PLCXD1: variants seen among roughly 807,000 people sequenced by gnomAD.
PLCXD1 encodes the protein phosphatidylinositol specific phospholipase C X domain containing 1, also known as PI-PLC X domain-containing protein 1.
Under a neutral mutation model 37.8 loss-of-function variants are expected in PLCXD1, and 45 were observed. That is an observed-to-expected ratio of 1.19 (90% CI 0.94 to 1.53). The LOEUF is 1.53. PLCXD1 is among the 40% of genes most tolerant of loss of function. The pLI is 0.00. For synonymous variants in PLCXD1, 246 were observed against 206.9 expected (o/e 1.19, Z -1.62); for missense variants, 539 against 454.7 (o/e 1.19, Z -1.69).
upstream of PLCXD1, among the ~76,000 whole-genome samples, chrX:279,454 T>C (rs1267773310): frequency 6.6e-6 from 1 of 152,144 alleles, no homozygotes; most frequent in Non-Finnish European, 1.5e-5. Flanking sequence ...ATTTTAAAAT[T>C]TTCTGACTGG....
chrX:297,188 T>C (rs1356791699), intron 6 of PLCXD1, among the ~76,000 whole-genome samples: 3 of 36,546 alleles, frequency 8.2e-5, no homozygotes, highest in Admixed American at 2.1e-4. Context: ...ACATGGGGAT[T>C]AGGACGTGGA....
At position 284,329 on chromosome X, in the gene PLCXD1, G is replaced by A. The variant is rs1330532469; in HGVS notation, c.127+15G>A. 18 of 1,612,332 alleles carry A rather than the reference G, an allele frequency of 1.1e-5. No homozygotes were observed. In the African/African-American group the frequency reaches 2.0e-4, roughly 18 times the overall value. The stretch of plus-strand genomic sequence containing the variant: ...CTCCATCCCAGGTGAGGTTGGGGTG[G>A]GGCAGGGGCCGTTGCCTCTATCCCA... On this transcript the variant is annotated intron_variant, in intron 2 of 6. Transcript: ENST00000381657.
rs1281823641 is a variant in PLCXD1 at position 289,510 on chromosome X, C to CTTTTTTT, written c.264+646_264+647insTTTTTTT. On this transcript the variant is annotated intron_variant, in intron 3 of 6. Transcript: ENST00000381657. ...AGAGACAACACCTTTCTTTTTCTTT[C>CTTTTTTT]TTTTTCTTTTTTTTTTTTTTGAGAC... is the stretch of plus-strand genomic sequence containing the variant. Among the ~76,000 whole-genome samples, 100 of 97,808 alleles carry CTTTTTTT rather than the reference C, an allele frequency of 1.0e-3. 5 individuals are homozygous for CTTTTTTT. Among genetic ancestry groups the CTTTTTTT allele is most frequent in the South Asian group, 1.3e-3 (5 of 3,824 alleles). The allele number at this position is 97,808 out of a possible 152,430, so 64.2% of individuals were successfully genotyped here. A position where few individuals can be genotyped will look rare whatever the true frequency, so the allele number is the denominator to read the frequency against.
chrX:282,200 G>C (rs1418171524), intron 1 of PLCXD1, among the ~76,000 whole-genome samples: 3 of 151,728 alleles, frequency 2.0e-5, no homozygotes, highest in Non-Finnish European at 4.4e-5. Context: ...AATCTAATCA[G>C]TTTTAATCTA....
chrX:287,454 T>A (rs1205923965), intron 2 of PLCXD1, among the ~76,000 whole-genome samples: 2 of 129,766 alleles, frequency 1.5e-5, no homozygotes, highest in African/African-American at 3.2e-5. Flanking sequence ...CTATATATGT[T>A]TATATATAGA....
At chrX:291,432 C>T (rs1423996137) in intron 4 of PLCXD1, 67 bp from the exon 5 acceptor site, 33 of 1,566,602 alleles carry the variant, frequency 2.1e-5, no homozygotes, top group Non-Finnish European at 2.5e-5. Flanking sequence ...AGGCGTGAGC[C>T]GCCACACCCC....
rs759275854 is a variant in PLCXD1 at position 281,668 on chromosome X, T to A, written c.-38T>A. The stretch of plus-strand genomic sequence containing the variant: ...AACAATTCGAATTCCGAACTCCCCC[T>A]GCGTGTGGGACTCAAGGTGGGTTTG... On this transcript the variant is annotated 5_prime_UTR_variant, in exon 1 of 7. Transcript: ENST00000381657. 1 of 152,270 alleles carries A rather than the reference T, an allele frequency of 6.6e-6. No individual in the cohort carries two copies. The highest frequency in any genetic ancestry group is 2.1e-4 in the South Asian group (1 of 4,828). The allele number at this position is 152,270 out of a possible 1,614,324, so 9.4% of individuals were successfully genotyped here.
intron 1 of PLCXD1, chrX:283,876 CTCTT>C (rs1569564392): frequency 1.3e-4 from 25 of 192,608 alleles, no homozygotes; most frequent in East Asian, 7.0e-4. Context: ...CTCTCTCTCT[CTCTT>C]TTTTTTTTTT....
rs1295467027 is a variant in PLCXD1, at chrX:300,424, C to G, written c.*1089C>G. 7.6e-6 allele frequency: 1 copy of G among 131,532 alleles called. No individual in the cohort carries two copies. The highest frequency in any genetic ancestry group is 1.7e-5 in the Non-Finnish European group (1 of 60,100). 8.1% of individuals were successfully genotyped at this position (131,532 alleles called of 1,614,324 possible). On this transcript the variant is annotated 3_prime_UTR_variant, in exon 7 of 7. Transcript: ENST00000381657. ...TCTGTGTGTATATATGTGTATATAT[C>G]GGTGTGTATATATGTATGTATGTTT...
At position 293,188 on chromosome X, in the gene PLCXD1, C is replaced by T. The variant is rs1377378540; in HGVS notation, c.703C>T (p.Leu235=). 1.2e-6 allele frequency: 2 copies of T among 1,612,124 alleles called. No individual in the cohort carries two copies. The highest frequency in any genetic ancestry group is 1.7e-6 in the Non-Finnish European group (2 of 1,179,492). Residue 235 remains leucine, a synonymous_variant, in exon 6 of 7, where the codon CTG becomes TTG. Transcript: ENST00000381657. The part of the protein sequence containing the change: ...RVKTEALIRY[L]ETMKSCGRPG... ...GAAGACCGAGGCCCTCATCCGATACCTGGAGACCATGAAGAGCTGCGGCCG... is the reference window on the plus strand; with the variant it reads ...GAAGACCGAGGCCCTCATCCGATACTTGGAGACCATGAAGAGCTGCGGCCG...
chrX:283,260 C>CAAA lies in PLCXD1; in HGVS notation c.-21-896_-21-894dup, dbSNP rs111674330. On this transcript the variant is annotated intron_variant, in intron 1 of 6. Transcript: ENST00000381657. Reference sequence around the variant, plus strand: ...GGGCAACAAGAGCGAAACTGCGTCTCAAAAAAAAAAAAACCAAGGCGAGAA... The same window carrying CAAA: ...GGGCAACAAGAGCGAAACTGCGTCTCAAAAAAAAAAAAAAAACCAAGGCGAGAA... The CAAA allele has an allele frequency of 3.1e-3, 420 of 137,204 alleles. 3 individuals carry two copies. Among genetic ancestry groups the CAAA allele is most frequent in the South Asian group, 0.018 (80 of 4,340 alleles). The allele number at this position is 137,204 out of a possible 1,614,324, so 8.5% of individuals were successfully genotyped here.
chrX:288,838 G>A lies in PLCXD1; in HGVS notation c.233G>A (p.Arg78His), dbSNP rs753346363. The change falls in exon 3 of 7, where the codon CGC becomes CAC. Residue 78 changes from arginine to histidine, a missense_variant. Coordinates refer to ENST00000381657, the MANE Select transcript of PLCXD1 (RefSeq NM_018390.4). ...AACAAGGCCTTGCCCTGCATCACGC[G>A]CCCTGTCGTGCTGAAATGGTCCGTC... is the stretch of plus-strand genomic sequence containing the variant. ...LLNKALPCIT[R>H]PVVLKWSVTQ... 2.0e-5 allele frequency: 33 copies of A among 1,613,306 alleles called. 1 individual carries two copies. The highest frequency in any genetic ancestry group is 9.9e-5 in the South Asian group (9 of 91,038).
intron 2 of PLCXD1, among the ~76,000 whole-genome samples, chrX:285,183 T>C (rs774476968): frequency 6.6e-6 from 1 of 151,904 alleles, no homozygotes; most frequent in East Asian, 1.9e-4. Context: ...CATGGATGCA[T>C]ATACATGCAC....
Position 299,104 on chromosome X carries a change from G to T in PLCXD1, c.741G>T (p.Leu247Phe). 6.2e-7 allele frequency: 1 copy of T among 1,613,596 alleles called. No individual in the cohort carries two copies. Among genetic ancestry groups the T allele is most frequent in the Non-Finnish European group, 8.5e-7 (1 of 1,179,526 alleles). The change falls in exon 7 of 7, where the codon TTG becomes TTT. Residue 247 changes from leucine to phenylalanine, a missense_variant. By Grantham distance (22) the Leu-to-Phe change is conservative. Coordinates refer to ENST00000381657, the MANE Select transcript of PLCXD1 (RefSeq NM_018390.4). ...TMKSCGRPGGLFVAGINLTEN... is the reference protein window; with the variant it reads ...TMKSCGRPGGFFVAGINLTEN... ...CCACCCTCACCGTTGCAGGAGGGTT[G>T]TTCGTGGCCGGCATCAACCTCACGG...
At chrX:291,680 G>A (rs371740227) in intron 5 of PLCXD1, 26 bp downstream of exon 5, 89 of 1,610,016 alleles carry the variant, frequency 5.5e-5, no homozygotes, top group Admixed American at 2.2e-4. Flanking sequence ...ATATCCGCAC[G>A]TCTCTCCCGG....
At chrX:284,649 T>C (rs761460007) in intron 2 of PLCXD1, among the ~76,000 whole-genome samples, 3 of 105,882 alleles carry the variant, frequency 2.8e-5, no homozygotes, top group Non-Finnish European at 7.3e-5. Context: ...CACACACACA[T>C]GCACATCTGC....
Position 287,102 on chromosome X carries a change from T to A in PLCXD1, c.128-1631T>A, listed in dbSNP as rs1361966169. Among the ~76,000 whole-genome samples, 12 of 152,048 alleles carry A rather than the reference T, an allele frequency of 7.9e-5. No homozygotes were observed. In the East Asian group the frequency reaches 2.3e-3, roughly 29 times the overall value. ...ACTTTGGGAAGCCAAGGCAGGAGGA[T>A]CACTTGAGTTTAGGAGTTTGAGAGC... On this transcript the variant is annotated intron_variant, in intron 2 of 6. Transcript: ENST00000381657.
At position 284,223 on chromosome X, in the gene PLCXD1, G is replaced by C. The variant is rs201477118; in HGVS notation, c.36G>C (p.Ser12=). ...AGGTGAGCGCTTCCAACAGCTTCTCGAGGCTGCACTGCAGAAATGCCAACG... is the reference window on the plus strand; with the variant it reads ...AGGTGAGCGCTTCCAACAGCTTCTCCAGGCTGCACTGCAGAAATGCCAACG... The part of the protein sequence containing the change: ...GGQVSASNSF[S]RLHCRNANED... Residue 12 remains serine, a synonymous_variant, in exon 2 of 7, where the codon TCG becomes TCC. Transcript: ENST00000381657. 6.2e-7 allele frequency: 1 copy of C among 1,613,520 alleles called. No homozygotes were observed. Among genetic ancestry groups the C allele is most frequent in the Non-Finnish European group, 8.5e-7 (1 of 1,179,802 alleles).
upstream of PLCXD1, among the ~76,000 whole-genome samples, chrX:278,103 G>A (rs2069190017): frequency 8.0e-6 from 1 of 125,018 alleles, no homozygotes; most frequent in Admixed American, 8.6e-5. Flanking sequence ...GGCTCAGGAG[G>A]ACATGGGGAC....
Sources: gnomAD v4.1 joint callset for allele counts (sites outside exome capture counted in the v4.1 genomes callset) on GRCh38, gnomAD v4.1.1 for gene constraint, MANE v1.5 for transcripts, NCBI Gene and HGNC (gene_info 2026-07-23, HGNC 2026-07-21) for gene names.